NALF1: variants seen among roughly 807,000 people sequenced by gnomAD.
NALF1 encodes NALCN channel auxiliary factor 1.
A neutral mutation model predicts 48.4 loss-of-function variants in NALF1; 3 were observed. That is an observed-to-expected ratio of 0.06 (90% CI 0.03 to 0.16). The LOEUF (loss-of-function observed/expected upper bound fraction) is 0.16. Ranked by LOEUF, NALF1 falls within the 10% of genes least tolerant of loss-of-function variation. The pLI is 1.00. For synonymous variants in NALF1, 262 were observed against 245.7 expected (o/e 1.07, Z -0.62); for missense variants, 526 against 571.5 (o/e 0.92, Z 0.81).
chr13:107,680,727 GTA>G (rs1256304024), intron 1 of NALF1, among the ~76,000 whole-genome samples: 3 of 125,914 alleles, frequency 2.4e-5, no homozygotes, highest in Non-Finnish European at 3.4e-5. Context: ...GTGTGAGAGT[GTA>G]TGAGTGTGAA....
At chr13:107,275,397 C>T (rs973580969) in intron 1 of NALF1, among the ~76,000 whole-genome samples, 19 of 151,744 alleles carry the variant, frequency 1.3e-4, no homozygotes, top group Middle Eastern at 6.8e-3. Flanking sequence ...AGTATAATCA[C>T]GGGTTCTGCA....
chr13:107,394,099 T>G (rs1357332908), intron 1 of NALF1, among the ~76,000 whole-genome samples: 3 of 152,174 alleles, frequency 2.0e-5, no homozygotes, highest in East Asian at 3.9e-4. Context: ...ACTTTTGGAT[T>G]TATATGCAGC....
chr13:107,695,722 A>G (rs1457049613), intron 1 of NALF1, among the ~76,000 whole-genome samples: 2 of 152,148 alleles, frequency 1.3e-5, no homozygotes, highest in Non-Finnish European at 1.5e-5. Flanking sequence ...CTTGCTTATG[A>G]TATCTGTGCT....
intron 1 of NALF1, among the ~76,000 whole-genome samples, chr13:107,498,162 A>G (rs996149101): frequency 2.0e-5 from 3 of 152,214 alleles, no homozygotes; most frequent in Non-Finnish European, 4.4e-5. Context: ...AAGAAAAAAG[A>G]ATGCCTAAAG....
chr13:107,384,188 G>A lies in NALF1; in HGVS notation c.916-173433C>T, dbSNP rs1206791925. ...GGATCACTTGAGCCCAGGAGGTTGA[G>A]GTTGCAGTGAGCTGTGACTATACCA... On this transcript the variant is annotated intron_variant, in intron 1 of 2. Coordinates refer to ENST00000375915, the MANE Select transcript of NALF1 (RefSeq NM_001080396.3). Among the ~76,000 whole-genome samples the A allele has an allele frequency of 2.0e-5, 3 of 152,146 alleles. No homozygotes were observed. In the East Asian group the frequency reaches 5.8e-4, roughly 29 times the overall value.
chr13:107,488,208 CAA>C (rs1331307342), intron 1 of NALF1, among the ~76,000 whole-genome samples: 3 of 135,770 alleles, frequency 2.2e-5, no homozygotes, highest in African/African-American at 5.4e-5. Flanking sequence ...ACTTTTTTTT[CAA>C]AAAAAAAAAC....
intron 1 of NALF1, among the ~76,000 whole-genome samples, chr13:107,796,816 A>T (rs1460766120): frequency 6.6e-6 from 1 of 152,148 alleles, no homozygotes; most frequent in Non-Finnish European, 1.5e-5. Context: ...AAAAACATAA[A>T]CGACACCCCT....
chr13:107,639,405 C>T (rs1880088080), intron 1 of NALF1, among the ~76,000 whole-genome samples: 1 of 152,158 alleles, frequency 6.6e-6, no homozygotes, highest in Admixed American at 6.6e-5. Flanking sequence ...ACACTCCATG[C>T]CATGCACGCA....
chr13:107,683,720 C>A (rs1181018167), intron 1 of NALF1, among the ~76,000 whole-genome samples: 2 of 152,174 alleles, frequency 1.3e-5, no homozygotes, highest in Admixed American at 1.3e-4. Context: ...CAATGCAGGG[C>A]CTCTTCAGAG....
At chr13:107,250,702 C>G (rs997621118) in intron 1 of NALF1, among the ~76,000 whole-genome samples, 2 of 150,756 alleles carry the variant, frequency 1.3e-5, no homozygotes, top group Non-Finnish European at 3.0e-5. Flanking sequence ...TAACTATACC[C>G]TACTGATATG....
chr13:107,778,006 C>G (rs1877786849), intron 1 of NALF1, among the ~76,000 whole-genome samples: 1 of 152,144 alleles, frequency 6.6e-6, no homozygotes, highest in Non-Finnish European at 1.5e-5. Flanking sequence ...GATTCATTTG[C>G]TGATGAATTA....
intron 1 of NALF1, among the ~76,000 whole-genome samples, chr13:107,470,444 A>G (rs1307723351): frequency 6.6e-6 from 1 of 152,222 alleles, no homozygotes; most frequent in African/African-American, 2.4e-5. Flanking sequence ...CATATGATAT[A>G]CTGTAAATCC....
At chr13:107,807,038 T>A (rs1192099808) in intron 1 of NALF1, among the ~76,000 whole-genome samples, 1 of 152,154 alleles carries the variant, frequency 6.6e-6, no homozygotes, top group South Asian at 2.1e-4. Context: ...TAGACACTTA[T>A]TAAAATACCA....
chr13:107,391,708 C>T (rs558196499), intron 1 of NALF1, among the ~76,000 whole-genome samples: 3 of 152,220 alleles, frequency 2.0e-5, no homozygotes, highest in African/African-American at 4.8e-5. Flanking sequence ...CAAATTCAAC[C>T]GTCAACCAGA....
At chr13:107,407,042 C>T (rs1883911689) in intron 1 of NALF1, among the ~76,000 whole-genome samples, 1 of 151,648 alleles carries the variant, frequency 6.6e-6, no homozygotes, top group Non-Finnish European at 1.5e-5. Flanking sequence ...AATAAATGGC[C>T]CTAGGAAAAC....
chr13:107,566,013 T>C (rs1877799387), intron 1 of NALF1, among the ~76,000 whole-genome samples: 1 of 152,186 alleles, frequency 6.6e-6, no homozygotes, highest in Admixed American at 6.5e-5. Flanking sequence ...GATAATTATA[T>C]TTTTCAAGAT....
chr13:107,535,542 A>G (rs1332960182), intron 1 of NALF1, among the ~76,000 whole-genome samples: 5 of 152,082 alleles, frequency 3.3e-5, no homozygotes, highest in African/African-American at 9.7e-5. Context: ...CCTCTTCAAG[A>G]AGAACTACAA....
chr13:107,228,764 G>A (rs1880159602), intron 1 of NALF1, among the ~76,000 whole-genome samples: 2 of 152,092 alleles, frequency 1.3e-5, no homozygotes, highest in African/African-American at 4.8e-5. Flanking sequence ...GGATTAACAG[G>A]CATGCGCCAC....
chr13:107,786,561 T>C (rs1311639135), intron 1 of NALF1, among the ~76,000 whole-genome samples: 1 of 146,344 alleles, frequency 6.8e-6, no homozygotes, highest in African/African-American at 2.5e-5. Flanking sequence ...CGAAACCCCA[T>C]CTCTACTAAA....
Sources: allele counts gnomAD v4.1 joint callset (sites outside exome capture counted in the v4.1 genomes callset), GRCh38; gene constraint gnomAD v4.1.1; transcripts MANE v1.5; gene names NCBI Gene and HGNC (gene_info 2026-07-23, HGNC 2026-07-21).